The following RTN4 variants were observed in gnomAD, a reference collection of about 807,000 sequenced individuals.
RTN4 encodes the protein reticulon 4.
RTN4 carries 32 observed loss-of-function variants against 90.4 expected under a neutral mutation model. That is an observed-to-expected ratio of 0.35 (90% CI 0.27 to 0.48). RTN4 has a LOEUF of 0.48. Ranked by LOEUF, RTN4 falls within the 20% of genes least tolerant of loss-of-function variation. RTN4 has a pLI of 0.99. For synonymous variants in RTN4, 629 were observed against 552.5 expected, an observed-to-expected ratio of 1.14 and a Z score of -1.94; for missense variants, 1,706 against 1,430.2, an observed-to-expected ratio of 1.19 and a Z score of -3.11.
intron 2 of RTN4, among the ~76,000 whole-genome samples, chr2:55,059,695 G>A (rs183320614): frequency 6.2e-4 from 95 of 152,070 alleles, no homozygotes; most frequent in Middle Eastern, 3.4e-3. Context: ...TTAGCTGGGT[G>A]TCATGGCAGG....
intron 5 of RTN4, among the ~76,000 whole-genome samples, chr2:54,980,280 A>G (rs1678011558): frequency 6.6e-6 from 1 of 152,228 alleles, no homozygotes. Flanking sequence ...TGCAAAACAG[A>G]GATTTAAAAT....
intron 4 of RTN4, among the ~76,000 whole-genome samples, chr2:54,985,799 G>C (rs539211778): frequency 6.6e-6 from 1 of 152,244 alleles, no homozygotes; most frequent in African/African-American, 2.4e-5. Flanking sequence ...TCATGTTGTA[G>C]GTAGGTACAT....
At chr2:55,127,936 G>GA in the RTN4 span, among the ~76,000 whole-genome samples, 1 of 151,470 alleles carries the variant, frequency 6.6e-6, no homozygotes, top group African/African-American at 2.4e-5. Flanking sequence ...TTTGGACACA[G>GA]GGTCTCCCTC....
chr2:55,101,948 TAAAAG>T (rs1667860571), intron 1 of RTN4, among the ~76,000 whole-genome samples: 1 of 152,150 alleles, frequency 6.6e-6, no homozygotes, highest in African/African-American at 2.4e-5. Context: ...AAATCAAATA[TAAAAG>T]AAAAGGAAAA....
At chr2:54,988,597 C>T (rs1277785517) in intron 3 of RTN4, among the ~76,000 whole-genome samples, 1 of 151,998 alleles carries the variant, frequency 6.6e-6, no homozygotes, top group Non-Finnish European at 1.5e-5. Flanking sequence ...CTTAACCTGG[C>T]TATCATTAAA....
intron 2 of RTN4, among the ~76,000 whole-genome samples, chr2:55,079,040 G>C (rs1171010520): frequency 6.6e-6 from 1 of 152,048 alleles, no homozygotes; most frequent in Non-Finnish European, 1.5e-5. Flanking sequence ...GGCCAGGAAG[G>C]CCTGCATTAA....
chr2:55,024,650 T>A (rs1681684353), intron 3 of RTN4, among the ~76,000 whole-genome samples: 1 of 152,164 alleles, frequency 6.6e-6, no homozygotes, highest in African/African-American at 2.4e-5. Flanking sequence ...AAAAGTACTA[T>A]ATTATATAGA....
intron 3 of RTN4, among the ~76,000 whole-genome samples, chr2:55,003,931 T>C (rs1164280092): frequency 6.6e-6 from 1 of 152,124 alleles, no homozygotes; most frequent in African/African-American, 2.4e-5. Flanking sequence ...GGTGGAGGGC[T>C]GGAAATAATC....
chr2:55,134,435 C>A, the RTN4 span, among the ~76,000 whole-genome samples: 1 of 152,032 alleles, frequency 6.6e-6, no homozygotes, highest in African/African-American at 2.4e-5. Context: ...ATAAGACTCC[C>A]CCAGGTCCAA....
At chr2:55,034,762 T>C (rs1180063571) in intron 1 of RTN4, among the ~76,000 whole-genome samples, 2 of 152,202 alleles carry the variant, frequency 1.3e-5, no homozygotes, top group Non-Finnish European at 2.9e-5. Flanking sequence ...CATTTCTTAG[T>C]TTCTTCAAAG....
Position 55,006,616 on chromosome 2 carries a change from A to G in RTN4, c.3013+18470T>C, listed in dbSNP as rs146914802. On this transcript the variant is annotated intron_variant, in intron 3 of 8. Coordinates refer to ENST00000337526, the MANE Select transcript of RTN4 (RefSeq NM_020532.5). ...TAATGCTAGGAACATTTCTTTCCCT[A>G]TCCTACAGAAACTTCTCTCAAAGAT... Among the ~76,000 whole-genome samples the G allele has an allele frequency of 4.4e-3, 671 of 152,276 alleles. 2 individuals carry two copies. Among genetic ancestry groups the G allele is most frequent in the Non-Finnish European group, 7.5e-3 (511 of 68,000 alleles).
intron 1 of RTN4, among the ~76,000 whole-genome samples, chr2:55,044,168 C>T (rs1683259566): frequency 6.6e-6 from 1 of 152,118 alleles, no homozygotes; most frequent in Non-Finnish European, 1.5e-5. Context: ...ATACTTTAGC[C>T]TGGGTGAAAG....
At chr2:55,019,958 T>A (rs777061611) in intron 3 of RTN4, among the ~76,000 whole-genome samples, 2 of 151,682 alleles carry the variant, frequency 1.3e-5, no homozygotes, top group African/African-American at 2.4e-5. Flanking sequence ...TTGCAATAGC[T>A]TAAAAAAAAA....
upstream of RTN4, chr2:55,112,664 T>C (rs1380201508): frequency 6.6e-6 from 1 of 152,398 alleles, no homozygotes; most frequent in Non-Finnish European, 1.5e-5. Flanking sequence ...ACGCTGCCGC[T>C]GGCTCCCAGC....
intron 2 of RTN4, among the ~76,000 whole-genome samples, chr2:55,061,066 A>ATT (rs36001702): frequency 0.35 from 49,319 of 140,702 alleles, 9,206 homozygotes; most frequent in East Asian, 0.58. Flanking sequence ...AAAAATAAGA[A>ATT]TTTTTTTTTT....
chr2:55,131,851 T>C, the RTN4 span, among the ~76,000 whole-genome samples: 2 of 152,130 alleles, frequency 1.3e-5, no homozygotes, highest in South Asian at 2.1e-4. Context: ...ACCATTGCAC[T>C]CCAGCCTGGG....
At chr2:55,076,742 T>G (rs1428529754) in intron 2 of RTN4, among the ~76,000 whole-genome samples, 1 of 152,074 alleles carries the variant, frequency 6.6e-6, no homozygotes, top group Non-Finnish European at 1.5e-5. Context: ...CCCGCGTGTC[T>G]TGGGAGGGAC....
At chr2:55,011,318 C>G (rs1341785099) in intron 3 of RTN4, among the ~76,000 whole-genome samples, 1 of 152,150 alleles carries the variant, frequency 6.6e-6, no homozygotes, top group Non-Finnish European at 1.5e-5. Flanking sequence ...TGAGCCACCA[C>G]ACCTGGCCTA....
intron 1 of RTN4, among the ~76,000 whole-genome samples, chr2:55,040,905 A>AT (rs1205922495): frequency 2.0e-5 from 3 of 152,044 alleles, no homozygotes; most frequent in African/African-American, 7.2e-5. Context: ...AACTTTCTGT[A>AT]TCTGTGGTAA....
Sources: allele counts gnomAD v4.1 joint callset (sites outside exome capture counted in the v4.1 genomes callset), GRCh38; gene constraint gnomAD v4.1.1; transcripts MANE v1.5; gene names NCBI Gene and HGNC (gene_info 2026-07-23, HGNC 2026-07-21).